SEPTIN11: variants seen among roughly 807,000 people sequenced by gnomAD.
The protein encoded by SEPTIN11 is septin-11.
SEPTIN11 carries 25 observed loss-of-function variants against 51.4 expected under a neutral mutation model. That is an observed-to-expected ratio of 0.49 (90% CI 0.35 to 0.68). The LOEUF (loss-of-function observed/expected upper bound fraction) is 0.68. Among genes scored for constraint, SEPTIN11 ranks in the 30% least tolerant of loss-of-function variants. The probability of loss-of-function intolerance (pLI) is 0.00; values close to 1 mark genes in which losing one functional copy is unlikely to be tolerated. For synonymous variants in SEPTIN11, 174 were observed against 184.1 expected (o/e 0.95, Z 0.44); for missense variants, 381 against 520.8 (o/e 0.73, Z 2.61).
At chr4:77,026,960 C>G (rs1726195206) in intron 7 of SEPTIN11, among the ~76,000 whole-genome samples, 1 of 152,280 alleles carries the variant, frequency 6.6e-6, no homozygotes, top group African/African-American at 2.4e-5. Flanking sequence ...CCAACACTAA[C>G]ATTGGCCAAG....
intron 8 of SEPTIN11, 94 bp from the exon 9 acceptor site, chr4:77,030,689 C>A: frequency 8.4e-7 from 1 of 1,196,852 alleles, no homozygotes; most frequent in Non-Finnish European, 1.1e-6. Context: ...GCCACCGTGC[C>A]TGGCCATGTT....
intron 1 of SEPTIN11, among the ~76,000 whole-genome samples, chr4:76,988,275 T>C (rs1236200967): frequency 6.6e-6 from 1 of 152,242 alleles, no homozygotes; most frequent in African/African-American, 2.4e-5. Flanking sequence ...TTTATGGTTA[T>C]GTATTTGTGA....
rs531853089 is a variant in SEPTIN11 at position 76,963,448 on chromosome 4, A to G, written c.27+13518A>G. ...GGACTCAGACTTGCCCAAGGTAAACAGTGATGATCTTAAGGCCAAGTCTTC... is the reference window on the plus strand; with the variant it reads ...GGACTCAGACTTGCCCAAGGTAAACGGTGATGATCTTAAGGCCAAGTCTTC... On this transcript the variant is annotated intron_variant, in intron 1 of 9. Coordinates refer to ENST00000264893, the MANE Select transcript of SEPTIN11 (RefSeq NM_018243.4). Among the ~76,000 whole-genome samples the G allele has an allele frequency of 1.9e-3, 293 of 152,348 alleles. 3 individuals carry two copies. The highest frequency in any genetic ancestry group is 6.5e-3 in the African/African-American group (272 of 41,590).
rs544014474 is a variant in SEPTIN11 at position 77,027,530 on chromosome 4, C to T, written c.954-1099C>T. 2.6e-5 allele frequency among the ~76,000 whole-genome samples: 4 copies of T among 152,232 alleles called. No individual in the cohort carries two copies. The East Asian group carries it at 7.7e-4, about 29-fold the overall frequency. On this transcript the variant is annotated intron_variant, in intron 7 of 9. Coordinates refer to ENST00000264893, the MANE Select transcript of SEPTIN11 (RefSeq NM_018243.4). ...CTCCTATCACCTGAATTTCCTTTTT[C>T]TTCATGTAAATGGACAGATGTAAAT...
rs1725376505 is a variant in SEPTIN11 at position 77,017,357 on chromosome 4, T to C, written c.688-1808T>C. ...TTAGGCTCTTCATTACAAACTATTC[T>C]TGCTGATCAAATTCCACGTAATGTC... On this transcript the variant is annotated intron_variant, in intron 5 of 9. Transcript: ENST00000264893. Among the ~76,000 whole-genome samples the C allele has an allele frequency of 2.0e-5, 3 of 152,348 alleles. No homozygotes were observed. In the East Asian group the frequency reaches 5.8e-4, roughly 29 times the overall value.
At chr4:76,972,719 G>A (rs1722302004) in intron 1 of SEPTIN11, 1 of 152,188 alleles carries the variant, frequency 6.6e-6, no homozygotes, top group Non-Finnish European at 1.5e-5. Flanking sequence ...TTTTGGGGGA[G>A]ATATCCCATT....
intron 2 of SEPTIN11, among the ~76,000 whole-genome samples, chr4:76,999,581 A>T (rs1271251984): frequency 3.3e-5 from 5 of 152,198 alleles, no homozygotes; most frequent in African/African-American, 7.2e-5. Flanking sequence ...GGTAAGGAAA[A>T]TTTTTACCAA....
chr4:77,016,232 T>A (rs1725211967), intron 5 of SEPTIN11, among the ~76,000 whole-genome samples: 1 of 151,932 alleles, frequency 6.6e-6, no homozygotes, highest in South Asian at 2.1e-4. Flanking sequence ...GTTGCATAGG[T>A]AGGTGCTGTT....
At chr4:76,993,082 C>G (rs1201899422) in intron 1 of SEPTIN11, among the ~76,000 whole-genome samples, 2 of 151,776 alleles carry the variant, frequency 1.3e-5, no homozygotes, top group South Asian at 2.1e-4. Flanking sequence ...GAGATCAAGT[C>G]AGGGAGGCCA....
intron 1 of SEPTIN11, among the ~76,000 whole-genome samples, chr4:76,951,673 G>T (rs955866506): frequency 2.6e-5 from 4 of 152,198 alleles, no homozygotes; most frequent in Non-Finnish European, 5.9e-5. Flanking sequence ...TCAGTAACAC[G>T]TATTATTGCT....
intron 1 of SEPTIN11, among the ~76,000 whole-genome samples, chr4:76,987,437 C>T (rs150168523): frequency 3.5e-4 from 54 of 152,234 alleles, no homozygotes; most frequent in Non-Finnish European, 6.2e-4. Flanking sequence ...ATGGTCCAGA[C>T]ATTTTATATT....
intron 1 of SEPTIN11, among the ~76,000 whole-genome samples, chr4:76,969,214 A>G (rs1431581802): frequency 6.6e-6 from 1 of 152,114 alleles, no homozygotes; most frequent in African/African-American, 2.4e-5. Flanking sequence ...TGTAGTTCTT[A>G]ATATTACAAC....
At chr4:76,982,136 T>C (rs1459515809) in intron 1 of SEPTIN11, among the ~76,000 whole-genome samples, 3 of 152,224 alleles carry the variant, frequency 2.0e-5, no homozygotes, top group Non-Finnish European at 4.4e-5. Context: ...CTCTTTCCTT[T>C]TCCTGCTGCC....
Position 77,005,802 on chromosome 4 carries a change from T to C in SEPTIN11, c.338+6T>C. The C allele has an allele frequency of 6.2e-7, 1 of 1,612,026 alleles. No homozygotes were observed. The highest frequency in any genetic ancestry group is 8.5e-7 in the Non-Finnish European group (1 of 1,178,724). On this transcript the variant is annotated splice_donor_region_variant and intron_variant, in intron 3 of 9. Coordinates refer to ENST00000264893, the MANE Select transcript of SEPTIN11 (RefSeq NM_018243.4). ...CAGATAAATAAAGATGACAGGTACATCTTGGGATTTTGGGGGGACATGAAT... is the reference window on the plus strand; with the variant it reads ...CAGATAAATAAAGATGACAGGTACACCTTGGGATTTTGGGGGGACATGAAT...
At chr4:76,997,859 G>A (rs2109937263) in intron 2 of SEPTIN11, among the ~76,000 whole-genome samples, 1 of 152,256 alleles carries the variant, frequency 6.6e-6, no homozygotes, top group South Asian at 2.1e-4. Context: ...GTAATCGCAG[G>A]CCAATTACTA....
At position 76,949,805 on chromosome 4, in the gene SEPTIN11, AGGGAGGCGCGAG is replaced by A; in HGVS notation, c.-96_-85del. 1 of 1,318,970 alleles carries A rather than the reference AGGGAGGCGCGAG, an allele frequency of 7.6e-7. No individual in the cohort carries two copies. The highest frequency in any genetic ancestry group is 1.0e-6 in the Non-Finnish European group (1 of 968,848). The allele number at this position is 1,318,970 out of a possible 1,614,324, so 81.7% of individuals were successfully genotyped here. A position where few individuals can be genotyped will look rare whatever the true frequency, so the allele number is the denominator to read the frequency against. On this transcript the variant is annotated 5_prime_UTR_variant, in exon 1 of 10. Transcript: ENST00000264893. ...CGCCGGCGAGCAGAGCGCAGCCGCG[AGGGAGGCGCGAG>A]GGAGGCGAGCCGGAGCCCGAGCACT... is the stretch of plus-strand genomic sequence containing the variant.
At chr4:76,967,804 T>C (rs1722092368) in intron 1 of SEPTIN11, among the ~76,000 whole-genome samples, 1 of 152,212 alleles carries the variant, frequency 6.6e-6, no homozygotes, top group Non-Finnish European at 1.5e-5. Flanking sequence ...GCTTTTTGTG[T>C]GTGCAGAAAA....
intron 1 of SEPTIN11, among the ~76,000 whole-genome samples, chr4:76,951,562 T>C (rs1408374917): frequency 6.6e-6 from 1 of 152,238 alleles, no homozygotes; most frequent in Non-Finnish European, 1.5e-5. Context: ...ATTATACTTA[T>C]TAGCAGGCAT....
In SEPTIN11 at chr4:77,036,286, T is replaced by A. The variant is rs1453895956; in HGVS notation, c.*1774T>A. On this transcript the variant is annotated 3_prime_UTR_variant, in exon 10 of 10. Transcript: ENST00000264893. Reference sequence around the variant, plus strand: ...ATTCTTGTTTTTGCTTTTGTTTTTTTAAATAATTCTAGTCTGGAGCTAACT... The same window carrying A: ...ATTCTTGTTTTTGCTTTTGTTTTTTAAAATAATTCTAGTCTGGAGCTAACT... 2.0e-6 allele frequency: 2 copies of A among 1,008,946 alleles called. No individual in the cohort carries two copies. Among genetic ancestry groups the A allele is most frequent in the Non-Finnish European group, 2.4e-6 (2 of 845,026 alleles). 62.5% of individuals were successfully genotyped at this position (1,008,946 alleles called of 1,614,324 possible). A position where few individuals can be genotyped will look rare whatever the true frequency, so the allele number is the denominator to read the frequency against.
Sources: gnomAD v4.1 joint callset for allele counts (sites outside exome capture counted in the v4.1 genomes callset) on GRCh38, gnomAD v4.1.1 for gene constraint, MANE v1.5 for transcripts, NCBI Gene and HGNC (gene_info 2026-07-23, HGNC 2026-07-21) for gene names.